MYOT: variants seen among roughly 807,000 people sequenced by gnomAD.
MYOT encodes 57 kDa cytoskeletal protein.
In MYOT, 36 loss-of-function variants were observed where a neutral mutation model predicts 58.0. The ratio of observed to expected loss-of-function variants is 0.62; its 90% CI spans 0.48 to 0.82. The LOEUF (loss-of-function observed/expected upper bound fraction) is 0.82, where lower values mean the gene tolerates loss of function less well. Among genes scored for constraint, MYOT ranks in the 40% least tolerant of loss-of-function variants. The probability of loss-of-function intolerance (pLI) is 0.00; values close to 1 mark genes in which losing one functional copy is unlikely to be tolerated. For missense variants in MYOT, 505 were observed against 592.1 expected, an observed-to-expected ratio of 0.85 and a Z score of 1.53; for synonymous variants, 218 against 204.6, an observed-to-expected ratio of 1.07 and a Z score of -0.56.
chr5:137,887,215 C>A lies in MYOT; in HGVS notation c.1327C>A (p.Arg443Ser). Residue 443 changes from arginine to serine, a missense_variant and splice_region_variant, in exon 10 of 10, where the codon CGT becomes AGT. Coordinates refer to ENST00000239926, the MANE Select transcript of MYOT (RefSeq NM_006790.3). ...TCNTRLDVTA[R>S]PNQTLPAPKQ... ...AACTTTTATGTGATCTATTTCAGCA[C>A]GTCCAAACCAAACTCTTCCAGCTCC... 1 of 1,613,952 alleles carries A rather than the reference C, an allele frequency of 6.2e-7. No individual in the cohort carries two copies. The highest frequency in any genetic ancestry group is 8.5e-7 in the Non-Finnish European group (1 of 1,179,952).
chr5:137,871,967 G>A (rs1237789410), intron 2 of MYOT, among the ~76,000 whole-genome samples: 1 of 152,066 alleles, frequency 6.6e-6, no homozygotes, highest in Non-Finnish European at 1.5e-5. Context: ...ATTTCTCGCA[G>A]TCTTCTCTAG....
intron 4 of MYOT, among the ~76,000 whole-genome samples, chr5:137,879,885 T>C (rs1323095508): frequency 6.6e-6 from 1 of 152,036 alleles, no homozygotes; most frequent in East Asian, 1.9e-4. Flanking sequence ...ATTAGTTGAT[T>C]TGTTTGATCA....
intron 8 of MYOT, 71 bp from the exon 9 acceptor site, chr5:137,886,793 C>T: frequency 5.4e-6 from 6 of 1,107,488 alleles, no homozygotes; most frequent in Non-Finnish European, 8.2e-6. Context: ...CCTAGTCTGA[C>T]TGTTGGTCAG....
chr5:137,871,087 T>C (rs1453476480), intron 2 of MYOT, 80 bp downstream of exon 2: 8 of 1,174,474 alleles, frequency 6.8e-6, no homozygotes, highest in Middle Eastern at 2.0e-4. Context: ...TTTGGGGGTA[T>C]GCTGCAGTTC....
intron 3 of MYOT, chr5:137,876,213 GT>G (rs1283814369): frequency 2.3e-5 from 13 of 561,828 alleles, no homozygotes; most frequent in African/African-American, 1.9e-4. Context: ...AATGAAAAAT[GT>G]ATCTGAATGG....
rs114194130 is a variant in MYOT, at chr5:137,870,994, G to A, written c.343G>A (p.Ala115Thr). Residue 115 changes from alanine (A) to threonine (T), a missense_variant, in exon 2 of 10, where the codon GCT (alanine) becomes ACT (threonine). Physicochemically the swap from Ala to Thr is moderately conservative, Grantham distance 58 (BLOSUM62 0). Transcript: ENST00000239926. The stretch of plus-strand genomic sequence containing the variant: ...TTACAATAGCAGTAAAATCCCTTCC[G>A]CTATGGATTCCAAGTAAGTGAATTT... ...PDYNSSKIPSAMDSNYQQSSA... is the reference protein window; with the variant it reads ...PDYNSSKIPSTMDSNYQQSSA... 8.6e-4 allele frequency: 1,390 copies of A among 1,613,366 alleles called. 1 individual carries two copies. Among genetic ancestry groups the A allele is most frequent in the Admixed American group, 1.4e-3 (83 of 59,984 alleles).
Position 137,877,547 on chromosome 5 carries a change from C to T in MYOT, c.559C>T (p.Arg187Cys), listed in dbSNP as rs746368628. The T allele has an allele frequency of 4.3e-6, 7 of 1,613,500 alleles. No individual in the cohort carries two copies. The highest frequency in any genetic ancestry group is 2.2e-5 in the East Asian group (1 of 44,868). ...QRLTYEEKMARRLLGPQNAAA... is the reference protein window; with the variant it reads ...QRLTYEEKMACRLLGPQNAAA... ...TCTAACATATGAAGAGAAGATGGCT[C>T]GCAGATTGCTAGGACCACAGAATGC... The change falls in exon 4 of 10, where the codon CGC becomes TGC. Residue 187 changes from arginine (R) to cysteine (C), a missense_variant. Physicochemically the swap from Arg to Cys is radical, Grantham distance 180. Coordinates refer to ENST00000239926, the MANE Select transcript of MYOT (RefSeq NM_006790.3).
In MYOT at chr5:137,877,572, C is replaced by A; in HGVS notation, c.584C>A (p.Ala195Glu). ...MARRLLGPQNAAAVFQAQDDS... is the reference protein window; with the variant it reads ...MARRLLGPQNEAAVFQAQDDS... Reference sequence around the variant, plus strand: ...CGCAGATTGCTAGGACCACAGAATGCAGCTGCTGTGTTTCAAGCTCAGGAT... The same window carrying A: ...CGCAGATTGCTAGGACCACAGAATGAAGCTGCTGTGTTTCAAGCTCAGGAT... The change falls in exon 4 of 10, where the codon GCA becomes GAA. Residue 195 changes from alanine to glutamate, a missense_variant. Ala to Glu is a moderately radical substitution (Grantham distance 107, BLOSUM62 -1). Transcript: ENST00000239926. The A allele has an allele frequency of 6.2e-7, 1 of 1,613,880 alleles. No homozygotes were observed. The highest frequency in any genetic ancestry group is 8.5e-7 in the Non-Finnish European group (1 of 1,179,862).
intron 3 of MYOT, among the ~76,000 whole-genome samples, chr5:137,876,890 C>T (rs1455871947): frequency 2.6e-5 from 4 of 152,080 alleles, no homozygotes; most frequent in Non-Finnish European, 4.4e-5. Flanking sequence ...CTGACTGGAA[C>T]ATGCAGAACA....
intron 5 of MYOT, among the ~76,000 whole-genome samples, chr5:137,881,618 C>T (rs1755432635): frequency 6.6e-6 from 1 of 152,174 alleles, no homozygotes; most frequent in African/African-American, 2.4e-5. Flanking sequence ...AACTGAAATA[C>T]CACATCTCTG....
At chr5:137,868,496 T>C (rs967823966) in intron 1 of MYOT, among the ~76,000 whole-genome samples, 7 of 152,222 alleles carry the variant, frequency 4.6e-5, no homozygotes, top group Admixed American at 1.3e-4. Context: ...CATAAAATTT[T>C]GACACATGGA....
Position 137,882,114 on chromosome 5 carries a change from A to G in MYOT, c.816+9A>G. ...GCAGAATGGACTTCAAAGTAAGAGA[A>G]GGGTTCAAAAGTACTGGGGGAAAAT... On this transcript the variant is annotated intron_variant, in intron 6 of 9. Coordinates refer to ENST00000239926, the MANE Select transcript of MYOT (RefSeq NM_006790.3). The G allele has an allele frequency of 1.2e-6, 2 of 1,614,098 alleles. No homozygotes were observed. Among genetic ancestry groups the G allele is most frequent in the Admixed American group, 3.3e-5 (2 of 60,030 alleles).
chr5:137,883,297 G>A, intron 6 of MYOT, 87 bp from the exon 7 acceptor site: 1 of 1,124,176 alleles, frequency 8.9e-7, no homozygotes, highest in Non-Finnish European at 1.4e-6. Context: ...TCAGATACGG[G>A]AACTGTTTAA....
intron 2 of MYOT, among the ~76,000 whole-genome samples, chr5:137,875,117 T>C (rs1037433889): frequency 6.6e-6 from 1 of 152,178 alleles, no homozygotes; most frequent in Non-Finnish European, 1.5e-5. Flanking sequence ...TACCACCACT[T>C]AATATCTACC....
At chr5:137,877,695 T>C in intron 4 of MYOT, 74 bp downstream of exon 4, 12 of 1,074,294 alleles carry the variant, frequency 1.1e-5, no homozygotes, top group South Asian at 7.6e-5. Context: ...TAAATGCTTA[T>C]AAATAGCATC....
rs137895933 is a variant in MYOT at position 137,869,184 on chromosome 5, A to G, written c.-212+1231A>G. ...ATTAGAAGACTTCGTTTCAATGATG[A>G]CAAACAATTTGGTTAATTTTTCAGT... On this transcript the variant is annotated intron_variant, in intron 1 of 9. Coordinates refer to ENST00000239926, the MANE Select transcript of MYOT (RefSeq NM_006790.3). 5.0e-3 allele frequency among the ~76,000 whole-genome samples: 757 copies of G among 152,318 alleles called. 6 individuals are homozygous for G. The highest frequency in any genetic ancestry group is 0.017 in the African/African-American group (710 of 41,572).
chr5:137,869,842 G>A (rs1472106457), intron 1 of MYOT, among the ~76,000 whole-genome samples: 1 of 151,078 alleles, frequency 6.6e-6, no homozygotes, highest in Non-Finnish European at 1.5e-5. Context: ...AATAAAAACA[G>A]AAAAATGTAT....
At chr5:137,883,932 T>A (rs1755517274) in intron 7 of MYOT, among the ~76,000 whole-genome samples, 1 of 152,122 alleles carries the variant, frequency 6.6e-6, no homozygotes, top group Admixed American at 6.5e-5. Flanking sequence ...AAAATGAAAA[T>A]CTTAGTCTAA....
chr5:137,876,472 C>G (rs1191904518), intron 3 of MYOT, among the ~76,000 whole-genome samples: 2 of 152,170 alleles, frequency 1.3e-5, no homozygotes, highest in Non-Finnish European at 2.9e-5. Context: ...TGCTCTCAAT[C>G]AGAAGTTAGT....
Sources: gnomAD v4.1 joint callset for allele counts (sites outside exome capture counted in the v4.1 genomes callset) on GRCh38, gnomAD v4.1.1 for gene constraint, MANE v1.5 for transcripts, NCBI Gene and HGNC (gene_info 2026-07-23, HGNC 2026-07-21) for gene names.